The following DOCK4 variants were observed in gnomAD, a reference collection of about 807,000 sequenced individuals.
DOCK4 encodes the protein dedicator of cytokinesis 4.
DOCK4 carries 97 observed loss-of-function variants against 268.1 expected under a neutral mutation model. That is an observed-to-expected ratio of 0.36 (90% CI 0.31 to 0.43). The LOEUF (loss-of-function observed/expected upper bound fraction) is 0.43. Among genes scored for constraint, DOCK4 ranks in the 20% least tolerant of loss-of-function variants. The probability of loss-of-function intolerance (pLI) is 1.00; values close to 1 mark genes in which losing one functional copy is unlikely to be tolerated. For synonymous variants in DOCK4, 954 were observed against 887.2 expected, an observed-to-expected ratio of 1.08 and a Z score of -1.34; for missense variants, 2,145 against 2,455.7, an observed-to-expected ratio of 0.87 and a Z score of 2.67.
At chr7:112,199,862 G>A (rs1820763018) in intron 1 of DOCK4, among the ~76,000 whole-genome samples, 2 of 152,192 alleles carry the variant, frequency 1.3e-5, no homozygotes, top group Admixed American at 6.5e-5. Context: ...GGTCCTGGTA[G>A]GAAGACATAC....
chr7:111,944,713 C>G, intron 10 of DOCK4, 98 bp downstream of exon 10: 1 of 1,190,570 alleles, frequency 8.4e-7, no homozygotes, highest in Non-Finnish European at 1.2e-6. Context: ...TGATATCTTT[C>G]TGATTCAGAC....
chr7:112,096,125 T>C (rs895743856), intron 1 of DOCK4, among the ~76,000 whole-genome samples: 1 of 152,154 alleles, frequency 6.6e-6, no homozygotes, highest in African/African-American at 2.4e-5. Context: ...ATAGGGTCTT[T>C]TGAAGAAAGT....
At chr7:112,173,913 T>C (rs1818290207) in intron 1 of DOCK4, among the ~76,000 whole-genome samples, 1 of 152,236 alleles carries the variant, frequency 6.6e-6, no homozygotes, top group East Asian at 1.9e-4. Flanking sequence ...TGACAGGACC[T>C]GGACCAGCAG....
intron 1 of DOCK4, among the ~76,000 whole-genome samples, chr7:112,106,830 G>A (rs1366185278): frequency 6.6e-6 from 1 of 152,202 alleles, no homozygotes; most frequent in Non-Finnish European, 1.5e-5. Context: ...TTATAAGAAT[G>A]AGAGAAGATG....
chr7:111,922,598 T>G lies in DOCK4; in HGVS notation c.1067-6694A>C, dbSNP rs186629232. On this transcript the variant is annotated intron_variant, in intron 12 of 52. Transcript: ENST00000428084. Reference sequence around the variant, plus strand: ...TTCCTTCTGGGTTCAGTTCTTTTTTTTCAGATGGAGTCTTACTCTGTCGCC... The same window carrying G: ...TTCCTTCTGGGTTCAGTTCTTTTTTGTCAGATGGAGTCTTACTCTGTCGCC... Among the ~76,000 whole-genome samples the G allele has an allele frequency of 3.0e-3, 462 of 152,276 alleles. 3 individuals are homozygous for G. The highest frequency in any genetic ancestry group is 0.011 in the African/African-American group (451 of 41,538).
chr7:111,811,633 T>C (rs1586058175), intron 28 of DOCK4, among the ~76,000 whole-genome samples: 1 of 152,092 alleles, frequency 6.6e-6, no homozygotes, highest in Non-Finnish European at 1.5e-5. Flanking sequence ...ACAGGGATCA[T>C]ACAGAAAAGA....
chr7:111,964,648 A>C (rs1330069793), intron 8 of DOCK4, among the ~76,000 whole-genome samples: 3 of 138,238 alleles, frequency 2.2e-5, no homozygotes, highest in Non-Finnish European at 1.5e-5. Flanking sequence ...ATTATCAAGG[A>C]GAACTTCCCC....
chr7:111,770,265 G>C (rs2133679201), intron 36 of DOCK4, among the ~76,000 whole-genome samples: 1 of 152,006 alleles, frequency 6.6e-6, no homozygotes, highest in Non-Finnish European at 1.5e-5. Flanking sequence ...CTAATAACAG[G>C]GTAGGGATTG....
At chr7:111,905,141 G>A (rs1311531984) in intron 13 of DOCK4, among the ~76,000 whole-genome samples, 1 of 152,204 alleles carries the variant, frequency 6.6e-6, no homozygotes, top group East Asian at 1.9e-4. Context: ...GAAGGATCAA[G>A]TTGAAACAAG....
At chr7:111,840,260 A>T (rs1454548345) in intron 25 of DOCK4, among the ~76,000 whole-genome samples, 1 of 152,210 alleles carries the variant, frequency 6.6e-6, no homozygotes, top group Non-Finnish European at 1.5e-5. Context: ...GCCCATTTCC[A>T]TACCCCACCA....
At chr7:111,937,488 C>T (rs1259397801) in intron 11 of DOCK4, among the ~76,000 whole-genome samples, 3 of 152,170 alleles carry the variant, frequency 2.0e-5, no homozygotes, top group African/African-American at 7.2e-5. Flanking sequence ...ATGAGTGTGA[C>T]TGTCTCCCAT....
At chr7:112,117,650 C>T (rs566114794) in intron 1 of DOCK4, among the ~76,000 whole-genome samples, 39 of 152,206 alleles carry the variant, frequency 2.6e-4, no homozygotes, top group Non-Finnish European at 5.0e-4. Flanking sequence ...GGACTACAGG[C>T]GTGAGCCACT....
intron 15 of DOCK4, among the ~76,000 whole-genome samples, chr7:111,897,186 A>G (rs1808825668): frequency 6.6e-6 from 1 of 152,122 alleles, no homozygotes; most frequent in African/African-American, 2.4e-5. Context: ...CAGATTCACT[A>G]AAACCACTTG....
At chr7:112,026,146 C>G (rs111485097) in intron 1 of DOCK4, among the ~76,000 whole-genome samples, 1 of 152,236 alleles carries the variant, frequency 6.6e-6, no homozygotes, top group Non-Finnish European at 1.5e-5. Flanking sequence ...GGGTCCCCAG[C>G]CCCCAGGCCA....
chr7:111,962,800 G>T (rs1471501669), intron 8 of DOCK4, among the ~76,000 whole-genome samples: 2 of 152,154 alleles, frequency 1.3e-5, no homozygotes, highest in Non-Finnish European at 2.9e-5. Flanking sequence ...GTGATGTTAG[G>T]AAAAATACCT....
intron 25 of DOCK4, among the ~76,000 whole-genome samples, chr7:111,841,893 T>C (rs113207000): frequency 1.3e-5 from 2 of 152,308 alleles, no homozygotes; most frequent in African/African-American, 4.8e-5. Context: ...CACAACAACC[T>C]TGTACGCTCT....
At chr7:111,842,362 A>G (rs1803767021) in intron 25 of DOCK4, among the ~76,000 whole-genome samples, 1 of 152,224 alleles carries the variant, frequency 6.6e-6, no homozygotes, top group Non-Finnish European at 1.5e-5. Context: ...AAGTCCCAAA[A>G]AACCTTATTT....
chr7:111,958,756 G>A (rs753538559), intron 8 of DOCK4, among the ~76,000 whole-genome samples: 8 of 152,202 alleles, frequency 5.3e-5, no homozygotes, highest in East Asian at 1.9e-4. Context: ...TTACAACTTC[G>A]AAAACAACTA....
intron 25 of DOCK4, among the ~76,000 whole-genome samples, chr7:111,839,547 G>A (rs1489276438): frequency 6.6e-6 from 1 of 152,250 alleles, no homozygotes; most frequent in East Asian, 1.9e-4. Flanking sequence ...ATATACATAG[G>A]GGAACAACCT....
Sources: gnomAD v4.1 joint callset for allele counts (sites outside exome capture counted in the v4.1 genomes callset) on GRCh38, gnomAD v4.1.1 for gene constraint, MANE v1.5 for transcripts, NCBI Gene and HGNC (gene_info 2026-07-23, HGNC 2026-07-21) for gene names.